NALCN: variants seen among roughly 807,000 people sequenced by gnomAD.
NALCN encodes sodium leak channel NALCN.
Under a neutral mutation model 225.3 loss-of-function variants are expected in NALCN, and 111 were observed. The observed-to-expected ratio is 0.49, with a 90% CI of 0.42 to 0.58. The LOEUF is 0.58. Among genes scored for constraint, NALCN ranks in the 20% least tolerant of loss-of-function variants. The probability of loss-of-function intolerance (pLI) is 0.00; values close to 1 mark genes in which losing one functional copy is unlikely to be tolerated. For missense variants in NALCN, 1,378 were observed against 2,202.4 expected (o/e 0.63, Z 7.49); for synonymous variants, 764 against 769.0 (o/e 0.99, Z 0.11).
intron 17 of NALCN, among the ~76,000 whole-genome samples, chr13:101,136,681 C>A (rs183999878): frequency 2.3e-3 from 355 of 152,300 alleles, no homozygotes; most frequent in Non-Finnish European, 4.4e-3. Flanking sequence ...ATATGTGCCA[C>A]ATTTTCTTAA....
intron 9 of NALCN, among the ~76,000 whole-genome samples, chr13:101,291,731 G>T (rs1266504481): frequency 6.6e-6 from 1 of 151,928 alleles, no homozygotes; most frequent in African/African-American, 2.4e-5. Flanking sequence ...AAATTTTTTT[G>T]TAGAGACAGG....
intron 6 of NALCN, among the ~76,000 whole-genome samples, chr13:101,355,069 A>C (rs1566609485): frequency 1.3e-5 from 2 of 150,916 alleles, no homozygotes; most frequent in Non-Finnish European, 1.5e-5. Flanking sequence ...CCCCTCCACT[A>C]TCTCTCTCTC....
intron 6 of NALCN, among the ~76,000 whole-genome samples, chr13:101,376,147 A>T (rs1263641785): frequency 6.6e-6 from 1 of 152,166 alleles, no homozygotes; most frequent in East Asian, 1.9e-4. Flanking sequence ...ATAATAATAA[A>T]AATGAGCTTT....
At chr13:101,220,283 G>A (rs1266043729) in intron 13 of NALCN, among the ~76,000 whole-genome samples, 1 of 152,174 alleles carries the variant, frequency 6.6e-6, no homozygotes, top group Non-Finnish European at 1.5e-5. Flanking sequence ...CCTACCTTAA[G>A]CACTCAACCA....
chr13:101,108,562 T>C (rs2035266187), intron 20 of NALCN, among the ~76,000 whole-genome samples: 1 of 152,150 alleles, frequency 6.6e-6, no homozygotes, highest in Admixed American at 6.6e-5. Flanking sequence ...AAGGTGCTAT[T>C]TGAGGAAAGA....
At chr13:101,143,055 G>C (rs2037169961) in intron 17 of NALCN, 25 bp downstream of exon 17, 1 of 1,613,986 alleles carries the variant, frequency 6.2e-7, no homozygotes, top group East Asian at 2.2e-5. Context: ...TTAGAAGCCT[G>C]GTTATTCGAA....
At chr13:101,317,605 A>G (rs553511339) in intron 7 of NALCN, among the ~76,000 whole-genome samples, 1 of 152,230 alleles carries the variant, frequency 6.6e-6, no homozygotes, top group Non-Finnish European at 1.5e-5. Flanking sequence ...ATCACTCCAG[A>G]TTTCCTCCAT....
intron 28 of NALCN, among the ~76,000 whole-genome samples, chr13:101,091,399 C>T (rs2034227867): frequency 6.6e-6 from 1 of 152,112 alleles, no homozygotes; most frequent in African/African-American, 2.4e-5. Flanking sequence ...GAGACAATCA[C>T]AAGATGTGCC....
intron 6 of NALCN, among the ~76,000 whole-genome samples, chr13:101,369,672 T>C (rs2046482934): frequency 6.6e-6 from 1 of 152,188 alleles, no homozygotes; most frequent in Non-Finnish European, 1.5e-5. Context: ...TGCTTTCTTA[T>C]CCAGAAGATT....
At chr13:101,299,856 G>C (rs1009018701) in intron 7 of NALCN, among the ~76,000 whole-genome samples, 1 of 151,970 alleles carries the variant, frequency 6.6e-6, no homozygotes, top group Non-Finnish European at 1.5e-5. Context: ...TTTAGCCAAA[G>C]GTCAGTAGTG....
At chr13:101,103,095 A>G in intron 26 of NALCN, 77 bp downstream of exon 26, 1 of 1,523,022 alleles carries the variant, frequency 6.6e-7, no homozygotes, top group Non-Finnish European at 8.9e-7. Context: ...CTCAATAAGC[A>G]AGACTCACTT....
At chr13:101,321,370 C>A (rs1237740521) in intron 7 of NALCN, among the ~76,000 whole-genome samples, 2 of 152,106 alleles carry the variant, frequency 1.3e-5, no homozygotes, top group African/African-American at 4.8e-5. Context: ...TTGATTATAA[C>A]CTCATCAGTT....
intron 17 of NALCN, among the ~76,000 whole-genome samples, chr13:101,128,247 T>A (rs2036336521): frequency 6.6e-6 from 1 of 152,238 alleles, no homozygotes; most frequent in Non-Finnish European, 1.5e-5. Context: ...AACAATTCTT[T>A]GACAGAATTA....
At chr13:101,107,379 T>C (rs1487044485) in intron 22 of NALCN, 108 bp downstream of exon 22, 2 of 1,555,944 alleles carry the variant, frequency 1.3e-6, no homozygotes, top group Non-Finnish European at 1.7e-6. Context: ...GTCCGCAGTT[T>C]ATTTTGTGAC....
At chr13:101,377,123 T>C in intron 4 of NALCN, 67 bp from the exon 5 acceptor site, 1 of 1,595,762 alleles carries the variant, frequency 6.3e-7, no homozygotes, top group South Asian at 1.1e-5. Context: ...TCATGGAACA[T>C]ACAGATGTTA....
intron 6 of NALCN, among the ~76,000 whole-genome samples, chr13:101,352,941 C>T (rs967016227): frequency 3.3e-5 from 5 of 152,082 alleles, no homozygotes; most frequent in South Asian, 2.1e-4. Flanking sequence ...TTTCTGAAGT[C>T]GGCATTCCAT....
At chr13:101,100,508 G>A (rs2034749933) in intron 27 of NALCN, among the ~76,000 whole-genome samples, 1 of 152,170 alleles carries the variant, frequency 6.6e-6, no homozygotes, top group African/African-American at 2.4e-5. Flanking sequence ...GGGTTTTATA[G>A]GGAGTTCTTA....
intron 13 of NALCN, among the ~76,000 whole-genome samples, chr13:101,214,851 T>A (rs978030739): frequency 2.6e-5 from 4 of 152,016 alleles, no homozygotes; most frequent in African/African-American, 7.2e-5. Flanking sequence ...GTAAAAAAAA[T>A]TCAATGGCAA....
At chr13:101,181,040 G>A (rs2039193350) in intron 14 of NALCN, 1 of 513,970 alleles carries the variant, frequency 1.9e-6, no homozygotes, top group Non-Finnish European at 3.9e-6. Flanking sequence ...GAAGCATTTA[G>A]ACTTGGAGAG....
Sources: gnomAD v4.1 joint callset for allele counts (sites outside exome capture counted in the v4.1 genomes callset) on GRCh38, gnomAD v4.1.1 for gene constraint, MANE v1.5 for transcripts, NCBI Gene and HGNC (gene_info 2026-07-23, HGNC 2026-07-21) for gene names.